The following CKAP5 variants were observed in gnomAD, a reference collection of about 807,000 sequenced individuals.
The protein encoded by CKAP5 is cytoskeleton associated protein 5, also known as cytoskeleton-associated protein 5.
CKAP5 carries 27 observed loss-of-function variants against 232.8 expected under a neutral mutation model. That is an observed-to-expected ratio of 0.12 (90% CI 0.09 to 0.16). The LOEUF is 0.16. CKAP5 is among the 10% of genes least tolerant of loss of function. The probability of loss-of-function intolerance (pLI) is 1.00; values close to 1 mark genes in which losing one functional copy is unlikely to be tolerated. For synonymous variants in CKAP5, 785 were observed against 841.1 expected (o/e 0.93, Z 1.16); for missense variants, 1,838 against 2,424.7 (o/e 0.76, Z 5.08).
chr11:46,829,699 A>G (rs1430716433), intron 1 of CKAP5, among the ~76,000 whole-genome samples: 1 of 152,198 alleles, frequency 6.6e-6, no homozygotes, highest in Admixed American at 6.6e-5. Context: ...GTCTAAAATT[A>G]TATGTGAAGT....
chr11:46,842,009 A>AC lies in CKAP5; in HGVS notation c.-38+4210_-38+4211insG, dbSNP rs1403794549. ...TAAGACTTTGGTTCAAAAAAAAAAA[A>AC]AAAAAAAAAGCGAAATGTTAAATCC... On this transcript the variant is annotated intron_variant, in intron 1 of 43. Coordinates refer to ENST00000529230, the MANE Select transcript of CKAP5 (RefSeq NM_001008938.4). Among the ~76,000 whole-genome samples the AC allele has an allele frequency of 2.0e-5, 3 of 151,892 alleles. No individual in the cohort carries two copies. In the East Asian group the frequency reaches 5.8e-4, roughly 29 times the overall value.
intron 20 of CKAP5, among the ~76,000 whole-genome samples, chr11:46,779,498 A>G (rs1348476960): frequency 1.3e-5 from 2 of 149,880 alleles, no homozygotes; most frequent in South Asian, 2.1e-4. Flanking sequence ...AAATACATAC[A>G]TATTCTTCAT....
At chr11:46,813,972 G>T (rs529223616) in intron 4 of CKAP5, among the ~76,000 whole-genome samples, 4 of 147,852 alleles carry the variant, frequency 2.7e-5, no homozygotes, top group Non-Finnish European at 4.5e-5. Flanking sequence ...CTCTATTAAA[G>T]AAAAAAAAAA....
chr11:46,822,593 C>T (rs1024345211), intron 1 of CKAP5, among the ~76,000 whole-genome samples: 1 of 151,480 alleles, frequency 6.6e-6, no homozygotes, highest in Non-Finnish European at 1.5e-5. Context: ...CTATTAAAAA[C>T]ACAAAAAATT....
At chr11:46,766,404 A>C (rs2065202765) in intron 27 of CKAP5, among the ~76,000 whole-genome samples, 1 of 152,228 alleles carries the variant, frequency 6.6e-6, no homozygotes, top group Non-Finnish European at 1.5e-5. Context: ...GAACAACGTC[A>C]TTGGATAGTT....
At chr11:46,793,345 T>C (rs1938785841) in intron 13 of CKAP5, among the ~76,000 whole-genome samples, 1 of 152,196 alleles carries the variant, frequency 6.6e-6, no homozygotes, top group Admixed American at 6.5e-5. Flanking sequence ...GGGGCTGGCG[T>C]GGGGAAGGAG....
intron 1 of CKAP5, among the ~76,000 whole-genome samples, chr11:46,843,878 T>G (rs1272063048): frequency 6.6e-6 from 1 of 152,084 alleles, no homozygotes; most frequent in Non-Finnish European, 1.5e-5. Context: ...TACCTAGTAT[T>G]GCAAAAACAA....
At chr11:46,778,727 CTA>C in intron 20 of CKAP5, 128 bp from the exon 21 acceptor site, 1 of 711,652 alleles carries the variant, frequency 1.4e-6, no homozygotes, top group Non-Finnish European at 2.4e-6. Context: ...GGTAATTTGA[CTA>C]CTACCTAGAT....
chr11:46,765,793 C>T (rs924005519), intron 27 of CKAP5, among the ~76,000 whole-genome samples: 5 of 151,896 alleles, frequency 3.3e-5, no homozygotes, highest in Admixed American at 3.3e-4. Flanking sequence ...TTAGTAGAGA[C>T]AGGGTTTCAC....
chr11:46,789,516 G>T (rs1446595484), intron 15 of CKAP5, among the ~76,000 whole-genome samples: 1 of 152,204 alleles, frequency 6.6e-6, no homozygotes, highest in Non-Finnish European at 1.5e-5. Context: ...GCTGGGCTGG[G>T]CTGGGCACAG....
In CKAP5 at chr11:46,751,122, C is replaced by T. The variant is rs770280349; in HGVS notation, c.5456G>A (p.Arg1819Gln). 6.2e-6 allele frequency: 10 copies of T among 1,614,018 alleles called. No homozygotes were observed. The highest frequency in any genetic ancestry group is 1.6e-4 in the Middle Eastern group (1 of 6,084). The part of the protein sequence containing the change: ...SDKETEKGAS[R>Q]IDEKSSKAKV... ...CTTTCAAGTCAGGCCACTCACTATT[C>T]GAGATGCTCCCTTTTCTGTTTCCTT... Residue 1819 changes from arginine (R) to glutamine (Q), a missense_variant, in exon 40 of 44, where the codon CGA (arginine) becomes CAA (glutamine). Physicochemically the swap from Arg to Gln is conservative, Grantham distance 43 (BLOSUM62 1). Coordinates refer to ENST00000529230, the MANE Select transcript of CKAP5 (RefSeq NM_001008938.4).
Position 46,744,090 on chromosome 11 carries a change from G to A in CKAP5, c.6032C>T (p.Ser2011Phe). The change falls in exon 44 of 44, where the codon TCC (serine) becomes TTC (phenylalanine). Residue 2011 changes from serine (S) to phenylalanine (F), a missense_variant. Physicochemically the swap from Ser to Phe is radical, Grantham distance 155. Around this residue, in one of 6 missense-constraint regions of CKAP5, gnomAD observed 62 missense variants for 61.1 expected, o/e 1.01. Coordinates refer to ENST00000529230, the MANE Select transcript of CKAP5 (RefSeq NM_001008938.4). ...GTCGTCTATGTTAGCTGTGGAGGAG[G>A]AGGAGGTCACAGTTCCTGAAGAGTG... ...QTHSSGTVTSSSSTANIDDLK... is the reference protein window; with the variant it reads ...QTHSSGTVTSFSSTANIDDLK... 1 of 1,614,040 alleles carries A rather than the reference G, an allele frequency of 6.2e-7. No individual in the cohort carries two copies. Among genetic ancestry groups the A allele is most frequent in the Non-Finnish European group, 8.5e-7 (1 of 1,180,022 alleles).
chr11:46,744,245 C>A lies in CKAP5; in HGVS notation c.5877G>T (p.Leu1959Phe). The change falls in exon 44 of 44, where the codon TTG becomes TTT. Residue 1959 changes from leucine to phenylalanine, a missense_variant. Physicochemically the swap from Leu to Phe is conservative, Grantham distance 22 (BLOSUM62 0). Coordinates refer to ENST00000529230, the MANE Select transcript of CKAP5 (RefSeq NM_001008938.4). The stretch of plus-strand genomic sequence containing the variant: ...CTGCTGGTTTGGAGAGCAAAGAGGT[C>A]AAAGGAGGTCGGTCATCTTGCTATT... Reference protein sequence around the residue: ...DNTKQDDRPPLTSLLSKPAVP... With the variant: ...DNTKQDDRPPFTSLLSKPAVP... The A allele has an allele frequency of 6.2e-7, 1 of 1,613,956 alleles. No homozygotes were observed. Among genetic ancestry groups the A allele is most frequent in the South Asian group, 1.1e-5 (1 of 91,034 alleles).
intron 2 of CKAP5, chr11:46,820,903 C>A: frequency 7.8e-6 from 3 of 382,636 alleles, no homozygotes; most frequent in East Asian, 1.1e-4. Context: ...ACTGTATATA[C>A]AAGGAGATGA....
At chr11:46,776,520 G>A (rs2065292569) in intron 23 of CKAP5, 137 bp from the exon 24 acceptor site, 6 of 545,864 alleles carry the variant, frequency 1.1e-5, no homozygotes, top group Non-Finnish European at 1.8e-5. Context: ...CATCTTCTCT[G>A]AAACAGAAAC....
intron 33 of CKAP5, 107 bp downstream of exon 33, chr11:46,760,505 G>A (rs758618258): frequency 9.8e-7 from 1 of 1,021,528 alleles, no homozygotes; most frequent in Non-Finnish European, 1.5e-6. Context: ...ACTCTGTCAT[G>A]CATGATAATG....
intron 18 of CKAP5, 198 bp downstream of exon 18, chr11:46,783,076 T>G (rs1037704101): frequency 8.3e-6 from 3 of 361,858 alleles, no homozygotes; most frequent in Non-Finnish European, 1.5e-5. Context: ...CGTAGAGAAC[T>G]CTTTCAGTGA....
chr11:46,797,704 C>T, intron 11 of CKAP5, 101 bp downstream of exon 11: 3 of 1,192,638 alleles, frequency 2.5e-6, no homozygotes, highest in South Asian at 1.5e-5. Flanking sequence ...AAGATCATAA[C>T]CTCTATAGTC....
intron 42 of CKAP5, among the ~76,000 whole-genome samples, chr11:46,749,066 G>A (rs1208961105): frequency 2.0e-5 from 3 of 150,550 alleles, no homozygotes; most frequent in Non-Finnish European, 1.5e-5. Flanking sequence ...TCCTGACCTC[G>A]TGATCTGCCC....
Sources: allele counts gnomAD v4.1 joint callset (sites outside exome capture counted in the v4.1 genomes callset), GRCh38; gene constraint gnomAD v4.1.1; regional missense constraint gnomAD v4.1.1; transcripts MANE v1.5; gene names NCBI Gene and HGNC (gene_info 2026-07-23, HGNC 2026-07-21).